TOX: variants seen among roughly 807,000 people sequenced by gnomAD.
TOX encodes the protein thymocyte selection associated high mobility group box.
TOX carries 11 observed loss-of-function variants against 53.7 expected under a neutral mutation model. The observed-to-expected ratio is 0.20, with a 90% confidence interval of 0.13 to 0.34. The LOEUF is 0.34. TOX is among the 10% of genes least tolerant of loss of function. The probability of loss-of-function intolerance (pLI) is 1.00; values close to 1 mark genes in which losing one functional copy is unlikely to be tolerated. For missense variants in TOX, 570 were observed against 664.6 expected, an observed-to-expected ratio of 0.86 and a Z score of 1.56; for synonymous variants, 225 against 245.3, an observed-to-expected ratio of 0.92 and a Z score of 0.77.
intron 3 of TOX, among the ~76,000 whole-genome samples, chr8:58,869,542 A>T (rs920408338): frequency 1.3e-5 from 2 of 152,178 alleles, no homozygotes; most frequent in African/African-American, 4.8e-5. Flanking sequence ...CTATGAGAAC[A>T]GTATTACTCT....
chr8:58,889,611 A>G (rs1480817693), intron 3 of TOX, among the ~76,000 whole-genome samples: 1 of 152,184 alleles, frequency 6.6e-6, no homozygotes, highest in African/African-American at 2.4e-5. Context: ...CAGAAATTTT[A>G]AAATGACATT....
At chr8:58,873,468 G>T (rs542032323) in intron 3 of TOX, among the ~76,000 whole-genome samples, 51 of 152,176 alleles carry the variant, frequency 3.4e-4, no homozygotes, top group Non-Finnish European at 6.8e-4. Context: ...TGGAAACATG[G>T]ACCCAAACAG....
At chr8:58,920,557 T>A (rs1585900837) in intron 3 of TOX, among the ~76,000 whole-genome samples, 1 of 50,662 alleles carries the variant, frequency 2.0e-5, no homozygotes, top group African/African-American at 7.9e-5. Context: ...GGGACTGTGG[T>A]GGGGTCGGGG....
chr8:58,965,901 T>G (rs925885406), intron 1 of TOX, among the ~76,000 whole-genome samples: 3 of 142,076 alleles, frequency 2.1e-5, no homozygotes, highest in Admixed American at 7.0e-5. Flanking sequence ...ATCGTTTTTT[T>G]TTTTTTTTTT....
chr8:59,084,040 G>C (rs1471060736), intron 1 of TOX, among the ~76,000 whole-genome samples: 1 of 152,024 alleles, frequency 6.6e-6, no homozygotes, highest in African/African-American at 2.4e-5. Context: ...TTAATGCTCA[G>C]GTTATAAAGA....
At chr8:58,870,188 A>C (rs1811174627) in intron 3 of TOX, among the ~76,000 whole-genome samples, 1 of 152,150 alleles carries the variant, frequency 6.6e-6, no homozygotes, top group African/African-American at 2.4e-5. Context: ...CAAAGAATTA[A>C]AAAAAATCTC....
intron 3 of TOX, among the ~76,000 whole-genome samples, chr8:58,861,039 GT>G (rs766562620): frequency 6.6e-6 from 1 of 152,134 alleles, no homozygotes; most frequent in Non-Finnish European, 1.5e-5. Context: ...AATGCCATTT[GT>G]TTCCTGCTGT....
At chr8:59,109,005 A>G (rs1804964357) in intron 1 of TOX, among the ~76,000 whole-genome samples, 2 of 152,184 alleles carry the variant, frequency 1.3e-5, no homozygotes, top group South Asian at 4.1e-4. Context: ...TTGCTTTCTT[A>G]TGCCAAAAGA....
chr8:59,056,835 T>C (rs1803897984), intron 1 of TOX, among the ~76,000 whole-genome samples: 1 of 152,204 alleles, frequency 6.6e-6, no homozygotes. Flanking sequence ...GGCCCTTTCT[T>C]GGCAGCAAGT....
At chr8:58,816,432 C>T (rs911514207) in intron 6 of TOX, among the ~76,000 whole-genome samples, 5 of 152,058 alleles carry the variant, frequency 3.3e-5, no homozygotes, top group African/African-American at 1.2e-4. Flanking sequence ...TTTTCCGCAC[C>T]TTCATATGAT....
intron 3 of TOX, among the ~76,000 whole-genome samples, chr8:58,930,617 C>T (rs184370763): frequency 9.2e-5 from 14 of 152,212 alleles, no homozygotes; most frequent in Admixed American, 7.2e-4. Flanking sequence ...AAATGAGGAG[C>T]GCAGAGCTCA....
In TOX at chr8:59,029,804, A is replaced by G. The variant is rs1437558705; in HGVS notation, c.103-69796T>C. 1.3e-5 allele frequency among the ~76,000 whole-genome samples: 2 copies of G among 152,186 alleles called. 1 individual carries two copies. Among genetic ancestry groups the G allele is most frequent in the Non-Finnish European group, 2.9e-5 (2 of 68,026 alleles). ...CACTGCTAAAGCACTGTGCCAACTC[A>G]TCTTCCAACCCATTATATGAAATTT... On this transcript the variant is annotated intron_variant, in intron 1 of 8. Coordinates refer to ENST00000361421, the MANE Select transcript of TOX (RefSeq NM_014729.3).
Position 59,118,803 on chromosome 8 carries a change from G to T in TOX, c.102+83C>A. On this transcript the variant is annotated intron_variant, in intron 1 of 8. Transcript: ENST00000361421. This position sits in a 1 kb window ranked among gnomAD's most constrained non-coding sequence, Gnocchi z 4.1. ...CCCGGGACCGGCCTCCGCCAAGCCG[G>T]CCCCGCCGCGGCCCGGCCACCGCCG... is the stretch of plus-strand genomic sequence containing the variant. 1 of 1,125,486 alleles carries T rather than the reference G, an allele frequency of 8.9e-7. No individual in the cohort carries two copies. Among genetic ancestry groups the T allele is most frequent in the Non-Finnish European group, 1.2e-6 (1 of 803,792 alleles). The allele number at this position is 1,125,486 out of a possible 1,614,324, so 69.7% of individuals were successfully genotyped here. A position where few individuals can be genotyped will look rare whatever the true frequency, so the allele number is the denominator to read the frequency against.
intron 1 of TOX, among the ~76,000 whole-genome samples, chr8:59,076,898 A>T (rs1406947490): frequency 6.6e-6 from 1 of 152,246 alleles, no homozygotes; most frequent in African/African-American, 2.4e-5. Context: ...CTACCAAGAC[A>T]TAATCAATCA....
At chr8:58,925,069 G>A (rs1455187168) in intron 3 of TOX, among the ~76,000 whole-genome samples, 1 of 152,068 alleles carries the variant, frequency 6.6e-6, no homozygotes, top group Non-Finnish European at 1.5e-5. Flanking sequence ...CCCAACCCTC[G>A]GCCTGCCTGC....
chr8:58,808,324 A>T, intron 7 of TOX, 55 bp from the exon 8 acceptor site: 2 of 1,562,452 alleles, frequency 1.3e-6, no homozygotes, highest in Non-Finnish European at 1.7e-6. Flanking sequence ...TAAGAAGAAA[A>T]GCACCTAAAT....
At chr8:58,886,482 C>G (rs1295786876) in intron 3 of TOX, among the ~76,000 whole-genome samples, 1 of 152,058 alleles carries the variant, frequency 6.6e-6, no homozygotes, top group South Asian at 2.1e-4. Flanking sequence ...AAGTGGACTG[C>G]TTCCTAAATG....
chr8:58,807,019 C>T lies in TOX; in HGVS notation c.*728G>A, dbSNP rs1338018178. On this transcript the variant is annotated 3_prime_UTR_variant, in exon 9 of 9. Coordinates refer to ENST00000361421, the MANE Select transcript of TOX (RefSeq NM_014729.3). ...ACTAACCATTACACAAAAAGTGATA[C>T]AAAAAAGCAATTTTTCTGCAGTACA... 6.6e-6 allele frequency: 1 copy of T among 152,528 alleles called. No homozygotes were observed. 9.4% of individuals were successfully genotyped at this position (152,528 alleles called of 1,614,324 possible). A position where few individuals can be genotyped will look rare whatever the true frequency, so the allele number is the denominator to read the frequency against.
Position 58,808,521 on chromosome 8 carries a change from T to A in TOX, c.1393-252A>T, listed in dbSNP as rs1056953637. On this transcript the variant is annotated intron_variant, in intron 7 of 8. Coordinates refer to ENST00000361421, the MANE Select transcript of TOX (RefSeq NM_014729.3). ...TTAATTATACCCTTGAGCAGATAAA[T>A]TGAATTGAGAAACAATTTCAAATAT... Among the ~76,000 whole-genome samples, 15 of 152,274 alleles carry A rather than the reference T, an allele frequency of 9.9e-5. 1 individual carries two copies. The East Asian group carries it at 2.7e-3, about 27-fold the overall frequency.
Sources: allele counts gnomAD v4.1 joint callset (sites outside exome capture counted in the v4.1 genomes callset), GRCh38; gene constraint gnomAD v4.1.1; non-coding constraint Gnocchi (gnomAD v3.1); transcripts MANE v1.5; gene names NCBI Gene and HGNC (gene_info 2026-07-23, HGNC 2026-07-21).